Variants in PLXND1 observed in about 807,000 individuals in gnomAD.
The protein encoded by PLXND1 is plexin-D1.
Under a neutral mutation model 197.7 loss-of-function variants are expected in PLXND1, and 54 were observed. The ratio of observed to expected loss-of-function variants is 0.27; its 90% CI spans 0.22 to 0.34. The LOEUF is 0.34. PLXND1 is among the 10% of genes least tolerant of loss of function. The pLI, the probability that PLXND1 is intolerant of heterozygous loss-of-function variation, is 1.00. For missense variants in PLXND1, 2,127 were observed against 2,699.2 expected (o/e 0.79, Z 4.70); for synonymous variants, 1,180 against 1,161.2 (o/e 1.02, Z -0.33).
intron 23 of PLXND1, 64 bp downstream of exon 23, chr3:129,566,463 G>A (rs1033128094): frequency 3.1e-6 from 3 of 967,528 alleles, no homozygotes; most frequent in South Asian, 2.6e-5. Context: ...ACTGGAAAGG[G>A]GACCCAGGGG....
intron 29 of PLXND1, chr3:129,561,054 G>A (rs1300979552): frequency 2.0e-6 from 1 of 501,092 alleles, no homozygotes; most frequent in Admixed American, 2.3e-5. Context: ...GGGATGGAGG[G>A]ACTTGGAAGG....
At chr3:129,599,314 CT>C (rs1405046429) in intron 1 of PLXND1, among the ~76,000 whole-genome samples, 3 of 152,382 alleles carry the variant, frequency 2.0e-5, no homozygotes, top group Admixed American at 2.0e-4. Flanking sequence ...CCAGTCTTCC[CT>C]GCGCTCAGCC....
In PLXND1 at chr3:129,577,969, G is replaced by A. The variant is rs1164481071; in HGVS notation, c.2346+360C>T. On this transcript the variant is annotated intron_variant, in intron 9 of 35. Coordinates refer to ENST00000324093, the MANE Select transcript of PLXND1 (RefSeq NM_015103.3). The surrounding 1 kb of genome is among the most constrained non-coding windows in gnomAD (Gnocchi z 5.0). Reference sequence around the variant, plus strand: ...AGTGGGCTCGGCGGTGGGTGGGTGTGTCCAGGGTCACAGCTCAGGCTAAGG... The same window carrying A: ...AGTGGGCTCGGCGGTGGGTGGGTGTATCCAGGGTCACAGCTCAGGCTAAGG... Among the ~76,000 whole-genome samples, 1 of 152,190 alleles carries A rather than the reference G, an allele frequency of 6.6e-6. No individual in the cohort carries two copies. The highest frequency in any genetic ancestry group is 1.5e-5 in the Non-Finnish European group (1 of 68,022).
At chr3:129,579,161 G>A (rs2085354213) in intron 8 of PLXND1, among the ~76,000 whole-genome samples, 1 of 152,020 alleles carries the variant, frequency 6.6e-6, no homozygotes, top group South Asian at 2.1e-4. Context: ...AAAGAAGGAG[G>A]GAGGAGGGAG....
intron 22 of PLXND1, 47 bp from the exon 23 acceptor site, chr3:129,566,678 G>C (rs1376331358): frequency 8.2e-7 from 1 of 1,212,864 alleles, no homozygotes; most frequent in Non-Finnish European, 1.2e-6. Context: ...GACACCCCCT[G>C]CTGGCATGGA....
chr3:129,557,061 C>T lies in PLXND1; in HGVS notation c.5586+22G>A. The stretch of plus-strand genomic sequence containing the variant: ...TCCCTCAGCTCTTCAGGCCCCCATC[C>T]CCCGCCGCCGAGCCACCGCACCCTC... On this transcript the variant is annotated intron_variant, in intron 34 of 35. Transcript: ENST00000324093. The surrounding 1 kb of genome is among the most constrained non-coding windows in gnomAD (Gnocchi z 4.8). 1.2e-6 allele frequency: 2 copies of T among 1,612,328 alleles called. No individual in the cohort carries two copies. Among genetic ancestry groups the T allele is most frequent in the Non-Finnish European group, 1.7e-6 (2 of 1,179,758 alleles).
chr3:129,577,153 C>T lies in PLXND1; in HGVS notation c.2346+1176G>A, dbSNP rs1045727987. 4.6e-5 allele frequency among the ~76,000 whole-genome samples: 7 copies of T among 152,186 alleles called. No individual in the cohort carries two copies. Among genetic ancestry groups the T allele is most frequent in the Non-Finnish European group, 8.8e-5 (6 of 68,034 alleles). ...TGGGTCCCTCCTCTTAGTCCTCAGCCACCTCAGAACAGCACACCCGGCCCG... is the reference window on the plus strand; with the variant it reads ...TGGGTCCCTCCTCTTAGTCCTCAGCTACCTCAGAACAGCACACCCGGCCCG... On this transcript the variant is annotated intron_variant, in intron 9 of 35. Transcript: ENST00000324093. The surrounding 1 kb of genome is among the most constrained non-coding windows in gnomAD (Gnocchi z 5.0).
Position 129,577,768 on chromosome 3 carries a change from G to A in PLXND1, c.2346+561C>T, listed in dbSNP as rs866965867. ...TGGGGGCGGGGCTAGTTGCAAAGAC[G>A]AGCACTGGTTGGGGAGTCCAGAGCT... On this transcript the variant is annotated intron_variant, in intron 9 of 35. Coordinates refer to ENST00000324093, the MANE Select transcript of PLXND1 (RefSeq NM_015103.3). This position sits in a 1 kb window ranked among gnomAD's most constrained non-coding sequence, Gnocchi z 5.0. 2.6e-5 allele frequency among the ~76,000 whole-genome samples: 4 copies of A among 152,182 alleles called. No individual in the cohort carries two copies. The highest frequency in any genetic ancestry group is 4.4e-5 in the Non-Finnish European group (3 of 68,034).
At position 129,558,718 on chromosome 3, in the gene PLXND1, A is replaced by G. The variant is rs1279902880; in HGVS notation, c.5298-143T>C. On this transcript the variant is annotated intron_variant, in intron 32 of 35. Coordinates refer to ENST00000324093, the MANE Select transcript of PLXND1 (RefSeq NM_015103.3). The surrounding 1 kb of genome is among the most constrained non-coding windows in gnomAD (Gnocchi z 4.1). ...ACAAGATGTGACCTTTGGGAACCTT[A>G]GTTTGCCTATCCCTGGCCAGCTGGG... 8.8e-6 allele frequency: 7 copies of G among 791,446 alleles called. No homozygotes were observed. In the East Asian group the frequency reaches 1.9e-4, roughly 21 times the overall value. The allele number at this position is 791,446 out of a possible 1,614,324, so 49.0% of individuals were successfully genotyped here. A position where few individuals can be genotyped will look rare whatever the true frequency, so the allele number is the denominator to read the frequency against.
chr3:129,583,706 C>T (rs370834469), intron 7 of PLXND1, 37 bp from the exon 8 acceptor site: 9 of 1,352,518 alleles, frequency 6.7e-6, no homozygotes, highest in South Asian at 1.2e-5. Context: ...CCTGGTTCCC[C>T]ACCCCTCAAC....
In PLXND1 at chr3:129,605,659, G is replaced by C. The variant is rs1397305347; in HGVS notation, c.981C>G (p.Ala327=). ...CGGTGAGCTTCTTGGCGTCGCCGCCGGCGCCGTGGGGCAGGCAGATGCGCG... is the reference window on the plus strand; with the variant it reads ...CGGTGAGCTTCTTGGCGTCGCCGCCCGCGCCGTGGGGCAGGCAGATGCGCG... ...LLARICLPHG[A]GGDAKKLTES... Residue 327 remains alanine (A), a synonymous_variant, in exon 1 of 36, where the codon GCC becomes GCG. Coordinates refer to ENST00000324093, the MANE Select transcript of PLXND1 (RefSeq NM_015103.3). The C allele has an allele frequency of 1.3e-6, 2 of 1,536,756 alleles. No individual in the cohort carries two copies. Among genetic ancestry groups the C allele is most frequent in the Non-Finnish European group, 1.7e-6 (2 of 1,145,268 alleles).
chr3:129,604,826 G>T (rs940446179), intron 1 of PLXND1, among the ~76,000 whole-genome samples: 1 of 152,216 alleles, frequency 6.6e-6, no homozygotes, highest in Non-Finnish European at 1.5e-5. Context: ...TGGCACACAA[G>T]TCCATGCAGA....
intron 23 of PLXND1, 194 bp from the exon 24 acceptor site, chr3:129,566,211 G>A (rs1180551370): frequency 2.7e-5 from 17 of 628,646 alleles, no homozygotes; most frequent in South Asian, 1.9e-4. Flanking sequence ...TCAGAGAAGG[G>A]TAAGGGTGCC....
chr3:129,573,012 T>C, intron 13 of PLXND1, 71 bp from the exon 14 acceptor site: 1 of 1,052,326 alleles, frequency 9.5e-7, no homozygotes, highest in Non-Finnish European at 1.5e-6. Flanking sequence ...GGCTCAGGGA[T>C]CGCCCCATTC....
At chr3:129,561,737 G>A (rs2085064110) in intron 28 of PLXND1, 28 bp from the exon 29 acceptor site, 1 of 1,573,188 alleles carries the variant, frequency 6.4e-7, no homozygotes, top group Non-Finnish European at 8.7e-7. Flanking sequence ...GCCGAGGTCA[G>A]AGGCCGGAGG....
chr3:129,568,832 A>C (rs2085179872), intron 20 of PLXND1, among the ~76,000 whole-genome samples: 1 of 152,220 alleles, frequency 6.6e-6, no homozygotes, highest in African/African-American at 2.4e-5. Flanking sequence ...TACAGGCATA[A>C]GCCACTGAGC....
intron 35 of PLXND1, 51 bp downstream of exon 35, chr3:129,556,566 G>A (rs2084976732): frequency 7.0e-7 from 1 of 1,422,922 alleles, no homozygotes. Context: ...GTGTCCTTGA[G>A]TAGGAAGCTC....
At chr3:129,571,906 C>A in intron 15 of PLXND1, 62 bp from the exon 16 acceptor site, 1 of 1,494,888 alleles carries the variant, frequency 6.7e-7, no homozygotes, top group South Asian at 1.2e-5. Context: ...CCGCCAATGC[C>A]CCTGAGACCT....
rs1338164432 is a variant in PLXND1 at position 129,556,147 on chromosome 3, G to A, written c.*165C>T. The A allele has an allele frequency of 1.3e-5, 8 of 624,998 alleles. No homozygotes were observed. Among genetic ancestry groups the A allele is most frequent in the South Asian group, 1.8e-5 (1 of 55,442 alleles). 38.7% of individuals were successfully genotyped at this position (624,998 alleles called of 1,614,324 possible). The stretch of plus-strand genomic sequence containing the variant: ...GATGGAGGTGCCCAGGGGTCAAGGC[G>A]GGGGCGCCCCTGTCTCAGAGAGCAG... On this transcript the variant is annotated 3_prime_UTR_variant, in exon 36 of 36. Transcript: ENST00000324093.
Sources: gnomAD v4.1 joint callset for allele counts (sites outside exome capture counted in the v4.1 genomes callset) on GRCh38, gnomAD v4.1.1 for gene constraint, Gnocchi (gnomAD v3.1) non-coding constraint, MANE v1.5 for transcripts, NCBI Gene and HGNC (gene_info 2026-07-23, HGNC 2026-07-21) for gene names.